Variants in ADGRL3 observed in about 807,000 individuals in gnomAD.
ADGRL3 encodes calcium-independent alpha-latrotoxin receptor 3.
Under a neutral mutation model 153.5 loss-of-function variants are expected in ADGRL3, and 62 were observed. The ratio of observed to expected loss-of-function variants is 0.40; its 90% CI spans 0.33 to 0.50. ADGRL3 has a LOEUF of 0.50. Ranked by LOEUF, ADGRL3 falls within the 20% of genes least tolerant of loss-of-function variation. The pLI is 0.47. For missense variants in ADGRL3, 1,641 were observed against 1,859.4 expected (o/e 0.88, Z 2.16); for synonymous variants, 710 against 672.5 (o/e 1.06, Z -0.86).
At chr4:61,499,314 T>G (rs2098357342) in intron 3 of ADGRL3, among the ~76,000 whole-genome samples, 1 of 152,238 alleles carries the variant, frequency 6.6e-6, no homozygotes, top group African/African-American at 2.4e-5. Context: ...ATCTCAACCA[T>G]CTTGTTTTAA....
At chr4:61,821,249 T>A (rs1424008375) in intron 9 of ADGRL3, among the ~76,000 whole-genome samples, 1 of 150,838 alleles carries the variant, frequency 6.6e-6, no homozygotes, top group African/African-American at 2.4e-5. Flanking sequence ...GCCATACTAA[T>A]GATGCTATTT....
intron 5 of ADGRL3, among the ~76,000 whole-genome samples, chr4:61,630,800 G>A (rs1224529457): frequency 6.6e-6 from 1 of 152,154 alleles, no homozygotes; most frequent in Non-Finnish European, 1.5e-5. Flanking sequence ...ATAGATGGTA[G>A]TTCTCAGATA....
At chr4:61,725,355 G>A (rs568825559) in intron 6 of ADGRL3, among the ~76,000 whole-genome samples, 1 of 152,166 alleles carries the variant, frequency 6.6e-6, no homozygotes, top group Non-Finnish European at 1.5e-5. Flanking sequence ...GCTCATGCCT[G>A]TAATCCCAGC....
chr4:61,587,745 A>T (rs1428715120), intron 5 of ADGRL3, among the ~76,000 whole-genome samples: 1 of 152,084 alleles, frequency 6.6e-6, no homozygotes, highest in Non-Finnish European at 1.5e-5. Flanking sequence ...TGTATTTTTC[A>T]CAATTTGCAA....
intron 1 of ADGRL3, among the ~76,000 whole-genome samples, chr4:61,273,398 G>C (rs1048962216): frequency 6.6e-6 from 1 of 152,114 alleles, no homozygotes; most frequent in Non-Finnish European, 1.5e-5. Context: ...TACTCAGTGT[G>C]AGTGACATAT....
intron 21 of ADGRL3, among the ~76,000 whole-genome samples, chr4:62,027,315 T>C (rs1189349903): frequency 6.6e-6 from 1 of 152,006 alleles, no homozygotes; most frequent in African/African-American, 2.4e-5. Flanking sequence ...CTTAAAACTC[T>C]CTTTGAATGT....
intron 5 of ADGRL3, among the ~76,000 whole-genome samples, chr4:61,672,111 A>G (rs1481706671): frequency 6.6e-6 from 1 of 152,128 alleles, no homozygotes; most frequent in Non-Finnish European, 1.5e-5. Context: ...CTGGGGTCAT[A>G]TTCCCCCAAA....
At chr4:61,642,038 T>A (rs1210636746) in intron 5 of ADGRL3, among the ~76,000 whole-genome samples, 5 of 150,790 alleles carry the variant, frequency 3.3e-5, no homozygotes, top group African/African-American at 9.8e-5. Context: ...TGATGGCCAG[T>A]GATGATGAGC....
chr4:61,768,621 T>C (rs1243519370), intron 8 of ADGRL3, among the ~76,000 whole-genome samples: 2 of 152,054 alleles, frequency 1.3e-5, no homozygotes, highest in Admixed American at 6.5e-5. Flanking sequence ...TGAGTTTGTA[T>C]TGGGGTCAAG....
At chr4:61,743,324 C>CAAAAA (rs752363213) in intron 8 of ADGRL3, among the ~76,000 whole-genome samples, 338 of 43,696 alleles carry the variant, frequency 7.7e-3, no homozygotes, top group Middle Eastern at 0.015. Flanking sequence ...GACTCCATCT[C>CAAAAA]AAAAAAAAAA....
chr4:62,017,747 G>A (rs2099219263), intron 21 of ADGRL3, among the ~76,000 whole-genome samples: 1 of 152,084 alleles, frequency 6.6e-6, no homozygotes, highest in Non-Finnish European at 1.5e-5. Flanking sequence ...AGGAGAAGTA[G>A]GCCTTCAACC....
intron 6 of ADGRL3, among the ~76,000 whole-genome samples, chr4:61,681,854 G>C (rs1001291321): frequency 6.6e-6 from 1 of 151,850 alleles, no homozygotes; most frequent in Admixed American, 6.6e-5. Context: ...GAAATTAACT[G>C]ATATTTTTAA....
intron 13 of ADGRL3, among the ~76,000 whole-genome samples, chr4:61,930,361 CAT>C (rs879806001): frequency 6.6e-5 from 10 of 152,260 alleles, no homozygotes; most frequent in Admixed American, 2.0e-4. Context: ...AAGTGCCACT[CAT>C]GTGTTTCTCA....
At chr4:61,348,135 G>A (rs2095962254) in intron 1 of ADGRL3, among the ~76,000 whole-genome samples, 1 of 151,862 alleles carries the variant, frequency 6.6e-6, no homozygotes, top group African/African-American at 2.4e-5. Context: ...ATTACCAAAA[G>A]GAAGAAACTA....
At chr4:62,016,174 G>A (rs146466817) in intron 21 of ADGRL3, among the ~76,000 whole-genome samples, 16,729 of 151,776 alleles carry the variant, frequency 0.11, 1,119 homozygotes, top group East Asian at 0.28. Context: ...TCAGCCTCCC[G>A]TGTAGCTGGG....
chr4:61,774,323 C>T (rs1449925147), intron 8 of ADGRL3, among the ~76,000 whole-genome samples: 3 of 146,104 alleles, frequency 2.1e-5, no homozygotes, highest in Non-Finnish European at 4.5e-5. Flanking sequence ...CGCCATTGCA[C>T]TCCAGCCTGG....
chr4:61,635,208 G>A (rs1177473788), intron 5 of ADGRL3, among the ~76,000 whole-genome samples: 4 of 152,130 alleles, frequency 2.6e-5, no homozygotes, highest in African/African-American at 9.7e-5. Flanking sequence ...ACCTTAAGCT[G>A]GGGAAGGAGG....
chr4:61,571,399 G>A (rs2098838137), intron 4 of ADGRL3, among the ~76,000 whole-genome samples: 1 of 152,018 alleles, frequency 6.6e-6, no homozygotes, highest in Non-Finnish European at 1.5e-5. Context: ...TTTAGTCCCA[G>A]CTACTCAGGA....
chr4:61,467,489 T>TGAGA (rs140479884), intron 2 of ADGRL3, among the ~76,000 whole-genome samples: 115 of 149,660 alleles, frequency 7.7e-4, no homozygotes, highest in Admixed American at 4.3e-3. Context: ...TGTGTGTGTG[T>TGAGA]GAGAGAGAGA....
Sources: allele counts gnomAD v4.1 joint callset (sites outside exome capture counted in the v4.1 genomes callset), GRCh38; gene constraint gnomAD v4.1.1; transcripts MANE v1.5; gene names NCBI Gene and HGNC (gene_info 2026-07-23, HGNC 2026-07-21).